The following TRMT2B variants were observed in gnomAD, a reference collection of about 807,000 sequenced individuals.
The protein encoded by TRMT2B is tRNA methyltransferase 2B.
A neutral mutation model predicts 39.7 loss-of-function variants in TRMT2B; 34 were observed. That is an observed-to-expected ratio of 0.86 (90% CI 0.65 to 1.14). The LOEUF is 1.14. Ranked by LOEUF, TRMT2B falls within the 50% of genes most tolerant of loss-of-function variation. The probability of loss-of-function intolerance (pLI) is 0.00; values close to 1 mark genes in which losing one functional copy is unlikely to be tolerated. For missense variants in TRMT2B, 318 were observed against 377.2 expected, an observed-to-expected ratio of 0.84 and a Z score of 1.30; for synonymous variants, 132 against 137.3, an observed-to-expected ratio of 0.96 and a Z score of 0.27.
the TRMT2B span, among the ~76,000 whole-genome samples, chrX:100,998,691 T>C: frequency 8.9e-6 from 1 of 111,739 alleles, no homozygotes; most frequent in Middle Eastern, 4.2e-3. Context: ...ATTATTATCC[T>C]TATTTTACAT....
At chrX:100,995,647 C>T in the TRMT2B span, among the ~76,000 whole-genome samples, 1 of 111,805 alleles carries the variant, frequency 8.9e-6, no homozygotes, top group Admixed American at 9.6e-5. Context: ...CTAAAATAGA[C>T]CTCTGGTGCT....
chrX:101,037,125 G>T, intron 5 of TRMT2B, 52 bp from the exon 6 acceptor site: 3 of 946,566 alleles, frequency 3.2e-6, no homozygotes, highest in Non-Finnish European at 4.6e-6. Context: ...TGAAACCAAG[G>T]AAGATAACAA....
At position 101,035,677 on chromosome X, in the gene TRMT2B, T is replaced by C; in HGVS notation, c.545A>G (p.Asn182Ser). The C allele has an allele frequency of 8.3e-7, 1 of 1,204,839 alleles. No homozygotes were observed. Residue 182 changes from asparagine (N) to serine (S), a missense_variant, in exon 7 of 14, where the codon AAC (asparagine) becomes AGC (serine). Coordinates refer to ENST00000372936, the MANE Select transcript of TRMT2B (RefSeq NM_024917.6). ...GFYLGTWRDG[N>S]VVCVQSNHLK... ...ATGATTAGACTGCACACAGACAACG[T>C]TCCCATCTATGGAAAGAAAAATAAT... is the stretch of plus-strand genomic sequence containing the variant.
At chrX:101,004,380 A>G (rs142351348), downstream of TRMT2B, among the ~76,000 whole-genome samples, 2 of 110,742 alleles carry the variant, frequency 1.8e-5, no homozygotes, top group African/African-American at 6.5e-5. Context: ...TTGGTTCTCT[A>G]CGTTACCCAG....
At chrX:101,006,377 G>T (rs1045105942), downstream of TRMT2B, among the ~76,000 whole-genome samples, 9 of 111,687 alleles carry the variant, frequency 8.1e-5, no homozygotes, top group African/African-American at 2.9e-4. Context: ...GAAGATTAGT[G>T]AGGTACTGCT....
intron 7 of TRMT2B, among the ~76,000 whole-genome samples, chrX:101,034,244 C>T (rs986361605): frequency 9.4e-6 from 1 of 106,251 alleles, no homozygotes; most frequent in Non-Finnish European, 1.9e-5. Context: ...CAGGTTCTAG[C>T]GATTCTCATA....
chrX:100,990,301 A>G, the TRMT2B span: 1 of 864,628 alleles, frequency 1.2e-6, no homozygotes, highest in Non-Finnish European at 1.4e-6. Flanking sequence ...CTTCACTTAC[A>G]ATAACTGACC....
chrX:100,990,137 G>A, the TRMT2B span, among the ~76,000 whole-genome samples: 1 of 111,703 alleles, frequency 9.0e-6, no homozygotes. Context: ...CTACTTAAAT[G>A]AAGGGCAGAG....
intron 8 of TRMT2B, among the ~76,000 whole-genome samples, chrX:101,022,620 C>CA (rs35651870): frequency 0.04 from 2,547 of 62,998 alleles, 61 homozygotes; most frequent in Admixed American, 0.12. Context: ...GACTCTGTCT[C>CA]AAAAAAAAAA....
Position 101,019,087 on chromosome X carries a change from C to CT in TRMT2B, c.1289-18dup. ...CCTTGTAATCTGAAGGAAGAAACAC[C>CT]TTGCTATTAGTATAATTAACTACCA... is the stretch of plus-strand genomic sequence containing the variant. On this transcript the variant is annotated splice_polypyrimidine_tract_variant and intron_variant, in intron 12 of 13. Coordinates refer to ENST00000372936, the MANE Select transcript of TRMT2B (RefSeq NM_024917.6). The CT allele has an allele frequency of 8.8e-7, 1 of 1,139,477 alleles. No individual in the cohort carries two copies. The highest frequency in any genetic ancestry group is 1.2e-6 in the Non-Finnish European group (1 of 829,832). The allele number at this position is 1,139,477 out of a possible 1,213,427, so 93.9% of individuals were successfully genotyped here. A position where few individuals can be genotyped will look rare whatever the true frequency, so the allele number is the denominator to read the frequency against.
At chrX:101,034,614 T>G (rs2087721487) in intron 7 of TRMT2B, among the ~76,000 whole-genome samples, 1 of 111,790 alleles carries the variant, frequency 8.9e-6, no homozygotes. Context: ...AAAATTTAAA[T>G]TTTAAAAAAT....
the TRMT2B span, among the ~76,000 whole-genome samples, chrX:100,991,085 C>G: frequency 1.8e-5 from 2 of 111,747 alleles, no homozygotes; most frequent in African/African-American, 6.5e-5. Context: ...TTGAGTATCC[C>G]TTATCTGAAA....
Position 101,051,746 on chromosome X carries a change from G to C in TRMT2B, c.-506-13C>G, listed in dbSNP as rs1052286660. 287 of 717,153 alleles carry C rather than the reference G, an allele frequency of 4.0e-4. No individual in the cohort carries two copies. The highest frequency in any genetic ancestry group is 7.9e-4 in the Middle Eastern group (1 of 1,268). The allele number at this position is 717,153 out of a possible 1,213,427, so 59.1% of individuals were successfully genotyped here. ...AGTAGGGAGTTTTCTGTAAAGCAAG[G>C]GTTAAATCAGGTTTTCCGGGCTATT... On this transcript the variant is annotated splice_polypyrimidine_tract_variant and intron_variant, in intron 1 of 13. Transcript: ENST00000372936.
At chrX:101,045,121 G>A (rs1384905699) in intron 2 of TRMT2B, among the ~76,000 whole-genome samples, 1 of 109,045 alleles carries the variant, frequency 9.2e-6, no homozygotes, top group Non-Finnish European at 1.9e-5. Context: ...TCAGGAGTTC[G>A]AAACAAGCCT....
the TRMT2B span, among the ~76,000 whole-genome samples, chrX:100,981,312 C>A: frequency 8.9e-6 from 1 of 112,055 alleles, no homozygotes; most frequent in Non-Finnish European, 1.9e-5. Context: ...AAGTGCTGGG[C>A]AAATTCTGCC....
rs762091535 is a variant in TRMT2B at position 101,026,372 on chromosome X, G to A, written c.610-2756C>T. Among the ~76,000 whole-genome samples, 5 of 108,023 alleles carry A rather than the reference G, an allele frequency of 4.6e-5. No individual in the cohort carries two copies. In the Admixed American group the frequency reaches 5.0e-4, roughly 11 times the overall value. The allele number at this position is 108,023 out of a possible 115,157, so 93.8% of individuals were successfully genotyped here. A position where few individuals can be genotyped will look rare whatever the true frequency, so the allele number is the denominator to read the frequency against. ...CACACCTGTAATCTCAGCTACTTAGGAGGCTGAGCAGGAGAATCGCTGGAA... is the reference window on the plus strand; with the variant it reads ...CACACCTGTAATCTCAGCTACTTAGAAGGCTGAGCAGGAGAATCGCTGGAA... On this transcript the variant is annotated intron_variant, in intron 7 of 13. Transcript: ENST00000372936.
intron 13 of TRMT2B, among the ~76,000 whole-genome samples, chrX:101,017,635 A>T (rs2086590440): frequency 8.9e-6 from 1 of 112,443 alleles, no homozygotes; most frequent in Non-Finnish European, 1.9e-5. Context: ...AAAATAGCTG[A>T]CCAGGGTCAG....
the TRMT2B span, among the ~76,000 whole-genome samples, chrX:100,977,862 AC>A: frequency 8.9e-6 from 1 of 111,797 alleles, no homozygotes; most frequent in Admixed American, 9.5e-5. Flanking sequence ...GCTAAATAGT[AC>A]TCCATTGTGT....
downstream of TRMT2B, among the ~76,000 whole-genome samples, chrX:101,007,823 C>G (rs763933144): frequency 9.0e-6 from 1 of 111,165 alleles, no homozygotes; most frequent in Non-Finnish European, 1.9e-5. Context: ...TCAGCCTCCC[C>G]ACTAGCTGGT....
Sources: allele counts gnomAD v4.1 joint callset (sites outside exome capture counted in the v4.1 genomes callset), GRCh38; gene constraint gnomAD v4.1.1; transcripts MANE v1.5; gene names NCBI Gene and HGNC (gene_info 2026-07-23, HGNC 2026-07-21).